Variants in DPYSL2 observed in about 807,000 individuals in gnomAD.
The protein encoded by DPYSL2 is dihydropyrimidinase like 2, also known as dihydropyrimidinase-related protein 2.
In DPYSL2, 13 loss-of-function variants were observed where a neutral mutation model predicts 69.9. The ratio of observed to expected loss-of-function variants is 0.19; its 90% CI spans 0.12 to 0.30. The LOEUF (loss-of-function observed/expected upper bound fraction) is 0.30, where lower values mean the gene tolerates loss of function less well. Ranked by LOEUF, DPYSL2 falls within the 10% of genes least tolerant of loss-of-function variation. The pLI is 1.00. For synonymous variants in DPYSL2, 326 were observed against 359.1 expected (o/e 0.91, Z 1.04); for missense variants, 587 against 918.9 (o/e 0.64, Z 4.67).
intron 1 of DPYSL2, among the ~76,000 whole-genome samples, chr8:26,520,882 C>G (rs1808373719): frequency 6.6e-6 from 1 of 152,046 alleles, no homozygotes; most frequent in African/African-American, 2.4e-5. Flanking sequence ...TGTGTCCTTA[C>G]ATAGTGGAAG....
At chr8:26,592,121 G>A (rs113851902) in intron 3 of DPYSL2, among the ~76,000 whole-genome samples, 119 of 152,276 alleles carry the variant, frequency 7.8e-4, no homozygotes, top group African/African-American at 2.8e-3. Flanking sequence ...TAATAGGTGA[G>A]CATTCTGCCC....
In DPYSL2 at chr8:26,514,781, C is replaced by A; in HGVS notation, c.354+102C>A. The A allele has an allele frequency of 2.8e-6, 3 of 1,063,560 alleles. No individual in the cohort carries two copies. The highest frequency in any genetic ancestry group is 3.8e-6 in the Non-Finnish European group (3 of 796,254). The allele number at this position is 1,063,560 out of a possible 1,614,324, so 65.9% of individuals were successfully genotyped here. ...GCCCGCCTTCATGCCCCGCCCTGGA[C>A]CTCGCCTCCCGCATCTGCACGCGCA... On this transcript the variant is annotated intron_variant, in intron 1 of 13. Coordinates refer to ENST00000521913, the MANE Select transcript of DPYSL2 (RefSeq NM_001197293.3). This position sits in a 1 kb window ranked among gnomAD's most constrained non-coding sequence, Gnocchi z 8.4.
intron 1 of DPYSL2, among the ~76,000 whole-genome samples, chr8:26,526,113 G>A (rs1013631626): frequency 4.4e-4 from 67 of 151,744 alleles, no homozygotes; most frequent in Admixed American, 1.6e-3. Context: ...TTATTTTTTC[G>A]AGATGAAGTC....
chr8:26,596,394 C>A (rs1332742042), intron 3 of DPYSL2, among the ~76,000 whole-genome samples: 1 of 152,204 alleles, frequency 6.6e-6, no homozygotes, highest in Non-Finnish European at 1.5e-5. Flanking sequence ...ACCCAGGCAT[C>A]TGTCACTCTA....
intron 7 of DPYSL2, 136 bp downstream of exon 7, chr8:26,628,076 C>T: frequency 1.2e-6 from 1 of 847,058 alleles, no homozygotes; most frequent in East Asian, 2.7e-5. Flanking sequence ...AGCTGTGGGT[C>T]ACGTGTGTGT....
At chr8:26,602,363 TGGTTCCCTTAAG>T in intron 3 of DPYSL2, among the ~76,000 whole-genome samples, 1 of 152,274 alleles carries the variant, frequency 6.6e-6, no homozygotes, top group East Asian at 1.9e-4. Context: ...ACACTAAGTG[TGGTTCCCTTAAG>T]TGCACTGGAT....
rs889747370 is a variant in DPYSL2 at position 26,564,977 on chromosome 8, T to C, written c.355-16992T>C. 6.6e-6 allele frequency among the ~76,000 whole-genome samples: 1 copy of C among 152,192 alleles called. No individual in the cohort carries two copies. The highest frequency in any genetic ancestry group is 2.4e-5 in the African/African-American group (1 of 41,452). On this transcript the variant is annotated intron_variant, in intron 1 of 13. Transcript: ENST00000521913. The surrounding 1 kb of genome is among the most constrained non-coding windows in gnomAD (Gnocchi z 4.8). ...TCCATTATATCACTCTGTATGCCTT[T>C]GTGTATTCATAGCTTAGCTCCCTCT...
chr8:26,536,105 C>T (rs1800588628), intron 1 of DPYSL2, among the ~76,000 whole-genome samples: 1 of 139,722 alleles, frequency 7.2e-6, no homozygotes. Context: ...TATCTTTTTC[C>T]TTTTTTTTTT....
chr8:26,589,250 C>T (rs1461031553), intron 3 of DPYSL2, among the ~76,000 whole-genome samples: 1 of 152,226 alleles, frequency 6.6e-6, no homozygotes, highest in South Asian at 2.1e-4. Context: ...GGGTGCTTCC[C>T]ATTCACTGAT....
chr8:26,649,361 T>C (rs1214149140), intron 11 of DPYSL2, among the ~76,000 whole-genome samples: 2 of 152,194 alleles, frequency 1.3e-5, no homozygotes, highest in Non-Finnish European at 2.9e-5. Context: ...CTGGCTGGGC[T>C]CGTTATTTAA....
At chr8:26,578,245 C>T (rs1183003387) in intron 1 of DPYSL2, 3 of 1,614,032 alleles carry the variant, frequency 1.9e-6, no homozygotes, top group South Asian at 1.1e-5. Flanking sequence ...AATTTTTTCC[C>T]AGGAGAGAGA....
intron 3 of DPYSL2, among the ~76,000 whole-genome samples, chr8:26,584,616 T>C (rs79297601): frequency 6.9e-6 from 1 of 144,424 alleles, no homozygotes; most frequent in Admixed American, 6.9e-5. Flanking sequence ...CTTTGTGCTT[T>C]TTTTTTTTTT....
rs1466647900 is a variant in DPYSL2 at position 26,586,116 on chromosome 8, C to A, written c.628+2133C>A. 1.3e-5 allele frequency among the ~76,000 whole-genome samples: 2 copies of A among 151,948 alleles called. No homozygotes were observed. Among genetic ancestry groups the A allele is most frequent in the Non-Finnish European group, 2.9e-5 (2 of 67,948 alleles). ...AGACTCCGTCTCAAAAAAAAACAAA[C>A]AAAAAAATTCTCGAGTGAATGGTCA... On this transcript the variant is annotated intron_variant, in intron 3 of 13. Transcript: ENST00000521913. This position sits in a 1 kb window ranked among gnomAD's most constrained non-coding sequence, Gnocchi z 4.7.
At chr8:26,567,786 C>G (rs17320080) in intron 1 of DPYSL2, among the ~76,000 whole-genome samples, 12,575 of 152,210 alleles carry the variant, frequency 0.083, 720 homozygotes, top group Non-Finnish European at 0.12. Flanking sequence ...AAGATGGTGC[C>G]CCCGGTGAGG....
intron 3 of DPYSL2, among the ~76,000 whole-genome samples, chr8:26,606,157 T>C (rs964265330): frequency 1.3e-5 from 2 of 152,194 alleles, no homozygotes; most frequent in African/African-American, 4.8e-5. Context: ...TAACTGTATC[T>C]AGGTATTTAG....
intron 1 of DPYSL2, among the ~76,000 whole-genome samples, chr8:26,540,996 C>T (rs946638257): frequency 7.9e-5 from 12 of 151,706 alleles, no homozygotes; most frequent in African/African-American, 2.7e-4. Flanking sequence ...AGTCCAGATG[C>T]TCCTCAATTT....
intron 1 of DPYSL2, among the ~76,000 whole-genome samples, chr8:26,540,002 T>C (rs1800652540): frequency 6.6e-6 from 1 of 152,114 alleles, no homozygotes; most frequent in Non-Finnish European, 1.5e-5. Flanking sequence ...ACACAATAAT[T>C]TTTCAATAAC....
Position 26,585,732 on chromosome 8 carries a change from G to T in DPYSL2, c.628+1749G>T, listed in dbSNP as rs76051727. On this transcript the variant is annotated intron_variant, in intron 3 of 13. Coordinates refer to ENST00000521913, the MANE Select transcript of DPYSL2 (RefSeq NM_001197293.3). The surrounding 1 kb of genome is among the most constrained non-coding windows in gnomAD (Gnocchi z 4.0). ...GTGTCAGCCGGGAAGGCCAAGTCAG[G>T]GTGATCATCTGCCTCAGTTTGGAGT... 0.059 allele frequency among the ~76,000 whole-genome samples: 8,994 copies of T among 152,258 alleles called. 297 individuals are homozygous for T. Among genetic ancestry groups the T allele is most frequent in the South Asian group, 0.14 (686 of 4,820 alleles).
chr8:26,544,677 G>C (rs76764302), intron 1 of DPYSL2, among the ~76,000 whole-genome samples: 1 of 152,194 alleles, frequency 6.6e-6, no homozygotes, highest in African/African-American at 2.4e-5. Context: ...TCACTTGGAC[G>C]TGATGTTATC....
Sources: allele counts gnomAD v4.1 joint callset (sites outside exome capture counted in the v4.1 genomes callset), GRCh38; gene constraint gnomAD v4.1.1; non-coding constraint Gnocchi (gnomAD v3.1); transcripts MANE v1.5; gene names NCBI Gene and HGNC (gene_info 2026-07-23, HGNC 2026-07-21).